PLXNA2: variants seen among roughly 807,000 people sequenced by gnomAD.
The protein encoded by PLXNA2 is plexin-A2.
In PLXNA2, 91 loss-of-function variants were observed where a neutral mutation model predicts 193.5. The ratio of observed to expected loss-of-function variants is 0.47; its 90% CI spans 0.40 to 0.56. The LOEUF (loss-of-function observed/expected upper bound fraction) is 0.56, where lower values mean the gene tolerates loss of function less well. Among genes scored for constraint, PLXNA2 ranks in the 20% least tolerant of loss-of-function variants. The pLI, the probability that PLXNA2 is intolerant of heterozygous loss-of-function variation, is 0.00. For missense variants in PLXNA2, 1,995 were observed against 2,503.2 expected, an observed-to-expected ratio of 0.80 and a Z score of 4.33; for synonymous variants, 997 against 1,027.3, an observed-to-expected ratio of 0.97 and a Z score of 0.56.
chr1:208,096,339 G>C (rs1402487693), intron 7 of PLXNA2, among the ~76,000 whole-genome samples: 2 of 152,144 alleles, frequency 1.3e-5, no homozygotes, highest in East Asian at 3.9e-4. Context: ...TCCTCTGCCT[G>C]CAGGGAGGAA....
Position 208,028,962 on chromosome 1 carries a change from G to T in PLXNA2, c.5306C>A (p.Ala1769Asp), listed in dbSNP as rs778270546. ...GGTCTGGGCCACCACAGAGAGGCAGGCGTCCGTGATGCTGCCCTTGTGGAT... is the reference window on the plus strand; with the variant it reads ...GGTCTGGGCCACCACAGAGAGGCAGTCGTCCGTGATGCTGCCCTTGTGGAT... ...FDIHKGSITD[A>D]CLSVVAQTFM... The change falls in exon 30 of 32, where the codon GCC becomes GAC. Residue 1769 changes from alanine to aspartate, a missense_variant. This residue lies in a region of PLXNA2 where 1,291 missense variants were observed against 1,673.6 expected (regional missense o/e 0.77). Transcript: ENST00000367033. This position sits in a 1 kb window ranked among gnomAD's most constrained non-coding sequence, Gnocchi z 4.2. The T allele has an allele frequency of 2.5e-6, 4 of 1,614,110 alleles. No individual in the cohort carries two copies. Among genetic ancestry groups the T allele is most frequent in the Non-Finnish European group, 2.5e-6 (3 of 1,180,002 alleles).
intron 3 of PLXNA2, among the ~76,000 whole-genome samples, chr1:208,197,774 T>C (rs1025810684): frequency 6.6e-6 from 1 of 152,204 alleles, no homozygotes; most frequent in Non-Finnish European, 1.5e-5. Flanking sequence ...AGCTTGACCA[T>C]GAGCGACCAA....
At chr1:208,055,960 T>C (rs1316570690) in intron 13 of PLXNA2, among the ~76,000 whole-genome samples, 3 of 152,238 alleles carry the variant, frequency 2.0e-5, no homozygotes, top group Non-Finnish European at 4.4e-5. Context: ...CTCTTCCCTT[T>C]CTCTATGAAT....
At chr1:208,163,108 G>T (rs1376224590) in intron 3 of PLXNA2, among the ~76,000 whole-genome samples, 1 of 152,138 alleles carries the variant, frequency 6.6e-6, no homozygotes, top group Non-Finnish European at 1.5e-5. Context: ...TTGAGCCAAG[G>T]CACAGGGGCA....
Position 208,069,334 on chromosome 1 carries a change from G to A in PLXNA2, c.2587-8497C>T, listed in dbSNP as rs76746385. Among the ~76,000 whole-genome samples the A allele has an allele frequency of 1.2e-3, 185 of 152,240 alleles. 2 individuals carry two copies. In the East Asian group the frequency reaches 0.032, roughly 26 times the overall value. ...ACAGCCCAACTGAACCCAGGAGAGC[G>A]CCAGGGCACCACAGCTAAATCTGTA... On this transcript the variant is annotated intron_variant, in intron 12 of 31. Transcript: ENST00000367033.
chr1:208,094,356 T>G (rs1666808686), intron 8 of PLXNA2, among the ~76,000 whole-genome samples: 1 of 152,200 alleles, frequency 6.6e-6, no homozygotes, highest in Admixed American at 6.5e-5. Context: ...TCCATGAATT[T>G]TAACTGAATT....
At chr1:208,177,045 A>T (rs1161053606) in intron 3 of PLXNA2, among the ~76,000 whole-genome samples, 1 of 151,992 alleles carries the variant, frequency 6.6e-6, no homozygotes, top group African/African-American at 2.4e-5. Flanking sequence ...CTCCATGCAC[A>T]CTTTTCTTTG....
chr1:208,162,029 C>T (rs1307270013), intron 3 of PLXNA2, among the ~76,000 whole-genome samples: 1 of 152,212 alleles, frequency 6.6e-6, no homozygotes, highest in Admixed American at 6.5e-5. Flanking sequence ...GATCTCTCCC[C>T]TTCTTCGCCC....
At chr1:208,045,802 AAGTC>A in intron 18 of PLXNA2, 72 bp downstream of exon 18, 3 of 1,553,336 alleles carry the variant, frequency 1.9e-6, no homozygotes, top group Middle Eastern at 1.8e-4. Context: ...GAAAGAAAGA[AAGTC>A]AGGCCAGGAG....
At chr1:208,149,927 G>A (rs986329539) in intron 3 of PLXNA2, among the ~76,000 whole-genome samples, 1 of 152,062 alleles carries the variant, frequency 6.6e-6, no homozygotes, top group Non-Finnish European at 1.5e-5. Flanking sequence ...TGCTGGCCCC[G>A]CCCTCTGAGC....
At chr1:208,056,162 C>G in intron 13 of PLXNA2, among the ~76,000 whole-genome samples, 1 of 152,236 alleles carries the variant, frequency 6.6e-6, no homozygotes, top group East Asian at 1.9e-4. Flanking sequence ...CCCTGGCAAC[C>G]CGCTGCTGTT....
At chr1:208,200,794 C>T (rs865932803) in intron 3 of PLXNA2, among the ~76,000 whole-genome samples, 35 of 151,704 alleles carry the variant, frequency 2.3e-4, no homozygotes, top group Non-Finnish European at 3.4e-4. Flanking sequence ...TTAGTAGAGA[C>T]GGAGTTTCGC....
At chr1:208,188,958 G>A (rs1670091963) in intron 3 of PLXNA2, among the ~76,000 whole-genome samples, 1 of 152,192 alleles carries the variant, frequency 6.6e-6, no homozygotes, top group Admixed American at 6.5e-5. Context: ...AGTGCACCCA[G>A]GAAAAGGGAT....
At position 208,038,248 on chromosome 1, in the gene PLXNA2, C is replaced by T; in HGVS notation, c.4764+123G>A. 1 of 719,378 alleles carries T rather than the reference C, an allele frequency of 1.4e-6. No homozygotes were observed. Among genetic ancestry groups the T allele is most frequent in the Non-Finnish European group, 2.5e-6 (1 of 394,902 alleles). 44.6% of individuals were successfully genotyped at this position (719,378 alleles called of 1,614,324 possible). On this transcript the variant is annotated intron_variant, in intron 26 of 31. Coordinates refer to ENST00000367033, the MANE Select transcript of PLXNA2 (RefSeq NM_025179.4). The surrounding 1 kb of genome is among the most constrained non-coding windows in gnomAD (Gnocchi z 4.1). ...TGGCTAAGAATCCCTGTTCTATGCT[C>T]CAGCAGGAGGAGGAAAGCAGGGAGA...
intron 22 of PLXNA2, among the ~76,000 whole-genome samples, chr1:208,041,244 C>A (rs1006292022): frequency 6.6e-6 from 1 of 152,300 alleles, no homozygotes; most frequent in East Asian, 1.9e-4. Context: ...GCCTGGAAGC[C>A]TGAGACCTTG....
intron 29 of PLXNA2, chr1:208,031,095 G>T (rs1664488113): frequency 1.0e-6 from 1 of 996,478 alleles, no homozygotes; most frequent in Non-Finnish European, 1.2e-6. Flanking sequence ...GTCTATAGCA[G>T]GTGTGAACTC....
intron 1 of PLXNA2, among the ~76,000 whole-genome samples, chr1:208,224,799 C>T (rs1671462352): frequency 6.6e-6 from 1 of 152,068 alleles, no homozygotes; most frequent in South Asian, 2.1e-4. Flanking sequence ...CACTGTGGCC[C>T]CTCCAGGAGG....
intron 13 of PLXNA2, among the ~76,000 whole-genome samples, chr1:208,058,897 GGGCT>G (rs1307840444): frequency 6.6e-6 from 1 of 152,180 alleles, no homozygotes; most frequent in East Asian, 1.9e-4. Flanking sequence ...TAAGGTCTTG[GGGCT>G]GGTCAGTAGA....
chr1:208,098,852 G>A lies in PLXNA2; in HGVS notation c.1725C>T (p.Ser575=). The part of the protein sequence containing the change: ...HPSSISVSEH[S]RLLSLVVSDA... Reference sequence around the variant, plus strand: ...CCCTGGATGAGTTACTTACCAACCGGCTGTGCTCAGATACTGAGATGCTGC... The same window carrying A: ...CCCTGGATGAGTTACTTACCAACCGACTGTGCTCAGATACTGAGATGCTGC... Residue 575 remains serine, a synonymous_variant, in exon 6 of 32, where the codon AGC becomes AGT. Coordinates refer to ENST00000367033, the MANE Select transcript of PLXNA2 (RefSeq NM_025179.4). The A allele has an allele frequency of 2.5e-6, 4 of 1,613,594 alleles. No individual in the cohort carries two copies. Among genetic ancestry groups the A allele is most frequent in the Non-Finnish European group, 3.4e-6 (4 of 1,179,858 alleles).
Sources: allele counts gnomAD v4.1 joint callset (sites outside exome capture counted in the v4.1 genomes callset), GRCh38; gene constraint gnomAD v4.1.1; regional missense constraint gnomAD v4.1.1; non-coding constraint Gnocchi (gnomAD v3.1); transcripts MANE v1.5; gene names NCBI Gene and HGNC (gene_info 2026-07-23, HGNC 2026-07-21).